Variants in SPEF2 observed in about 807,000 individuals in gnomAD.
SPEF2 encodes sperm flagella and cilia-associated protein 2.
In SPEF2, 187 loss-of-function variants were observed where a neutral mutation model predicts 224.6. The observed-to-expected ratio is 0.83, with a 90% confidence interval of 0.74 to 0.94. SPEF2 has a LOEUF of 0.94. SPEF2 is among the 40% of genes least tolerant of loss of function. The probability of loss-of-function intolerance (pLI) is 0.00; values close to 1 mark genes in which losing one functional copy is unlikely to be tolerated. For synonymous variants in SPEF2, 715 were observed against 707.3 expected (o/e 1.01, Z -0.17); for missense variants, 2,170 against 2,135.6 (o/e 1.02, Z -0.32).
intron 23 of SPEF2, among the ~76,000 whole-genome samples, chr5:35,749,532 A>G (rs1749083435): frequency 6.6e-6 from 1 of 152,178 alleles, no homozygotes; most frequent in South Asian, 2.1e-4. Context: ...AATGTACACA[A>G]ATCAGTAGTT....
chr5:35,636,136 C>A (rs897869980), intron 2 of SPEF2, among the ~76,000 whole-genome samples: 1 of 152,100 alleles, frequency 6.6e-6, no homozygotes, highest in Non-Finnish European at 1.5e-5. Context: ...TGTTTAGTAG[C>A]TCTCCTGGAC....
At chr5:35,661,254 T>TTA (rs550178866) in intron 8 of SPEF2, among the ~76,000 whole-genome samples, 2,495 of 92,204 alleles carry the variant, frequency 0.027, 24 homozygotes, top group Non-Finnish European at 0.036. Context: ...TTGGTATATA[T>TTA]TATATATATA....
At chr5:35,691,876 T>C (rs1320640941) in intron 11 of SPEF2, among the ~76,000 whole-genome samples, 1 of 152,074 alleles carries the variant, frequency 6.6e-6, no homozygotes, top group Non-Finnish European at 1.5e-5. Flanking sequence ...CTCGGCCCAC[T>C]GCAACCTCTG....
At chr5:35,620,401 A>T (rs1401373963) in intron 1 of SPEF2, among the ~76,000 whole-genome samples, 1 of 152,202 alleles carries the variant, frequency 6.6e-6, no homozygotes, top group Admixed American at 6.5e-5. Flanking sequence ...CCTAAATTTC[A>T]TCATACTTAA....
chr5:35,662,418 G>A (rs1749873250), intron 8 of SPEF2, among the ~76,000 whole-genome samples: 1 of 152,134 alleles, frequency 6.6e-6, no homozygotes, highest in Non-Finnish European at 1.5e-5. Flanking sequence ...CTGTGCAGAA[G>A]CTCTTTAGTT....
intron 20 of SPEF2, among the ~76,000 whole-genome samples, chr5:35,724,170 A>C (rs1744235006): frequency 6.6e-6 from 1 of 152,198 alleles, no homozygotes; most frequent in Non-Finnish European, 1.5e-5. Context: ...TTTTGTTAAG[A>C]ACTGTTAACC....
chr5:35,725,443 A>T (rs1744475192), intron 20 of SPEF2, among the ~76,000 whole-genome samples: 1 of 152,212 alleles, frequency 6.6e-6, no homozygotes, highest in South Asian at 2.1e-4. Context: ...CAACAACAAC[A>T]ACAAACACAT....
intron 19 of SPEF2, chr5:35,710,615 C>A: frequency 1.0e-6 from 1 of 985,002 alleles, no homozygotes; most frequent in Non-Finnish European, 1.2e-6. Context: ...GTCAGGTGAG[C>A]CTAGAATTAT....
rs574710837 is a variant in SPEF2 at position 35,750,003 on chromosome 5, G to A, written c.3331-3621G>A. On this transcript the variant is annotated intron_variant, in intron 23 of 36. Transcript: ENST00000356031. Reference sequence around the variant, plus strand: ...ACAGCATGATACTGGTATAAAAATAGGCACATAGACCAATGGAACAGAATA... The same window carrying A: ...ACAGCATGATACTGGTATAAAAATAAGCACATAGACCAATGGAACAGAATA... Among the ~76,000 whole-genome samples, 45 of 152,204 alleles carry A rather than the reference G, an allele frequency of 3.0e-4. 1 individual carries two copies. In the South Asian group the frequency reaches 3.7e-3, roughly 13 times the overall value.
At position 35,796,386 on chromosome 5, in the gene SPEF2, T is replaced by A. The variant is rs571744187; in HGVS notation, c.4830+591T>A. ...ACTTTGGGAGGCCGAGGCAGGCTGA[T>A]CACAAGGTCAGTCAGGAGATCGAGA... On this transcript the variant is annotated intron_variant, in intron 33 of 36. Coordinates refer to ENST00000356031, the MANE Select transcript of SPEF2 (RefSeq NM_024867.4). Among the ~76,000 whole-genome samples, 5 of 152,210 alleles carry A rather than the reference T, an allele frequency of 3.3e-5. No individual in the cohort carries two copies. In the South Asian group the frequency reaches 8.3e-4, roughly 25 times the overall value.
At chr5:35,740,369 T>C (rs1244416058) in intron 23 of SPEF2, 102 bp downstream of exon 23, 1 of 1,459,322 alleles carries the variant, frequency 6.9e-7, no homozygotes, top group Non-Finnish European at 9.3e-7. Flanking sequence ...AGTATGAGGA[T>C]GAGAAAGAAA....
At chr5:35,666,959 TG>T in intron 8 of SPEF2, 112 bp from the exon 9 acceptor site, 1 of 925,208 alleles carries the variant, frequency 1.1e-6, no homozygotes, top group Non-Finnish European at 1.6e-6. Flanking sequence ...ATTTTTTTCC[TG>T]GTGTGAGAAG....
At chr5:35,648,630 T>C (rs1024416686) in intron 5 of SPEF2, among the ~76,000 whole-genome samples, 3 of 152,176 alleles carry the variant, frequency 2.0e-5, no homozygotes, top group Non-Finnish European at 4.4e-5. Context: ...CTGGCCTGAT[T>C]AAAGTTTTTT....
chr5:35,778,388 T>A (rs1009783567), intron 29 of SPEF2, among the ~76,000 whole-genome samples: 1 of 152,164 alleles, frequency 6.6e-6, no homozygotes, highest in Admixed American at 6.5e-5. Context: ...GTTGATTCCA[T>A]TGCAAAGACA....
chr5:35,708,309 A>G (rs1740224109), intron 18 of SPEF2, among the ~76,000 whole-genome samples: 1 of 150,602 alleles, frequency 6.6e-6, no homozygotes, highest in South Asian at 2.1e-4. Context: ...TTCCCCTTCC[A>G]TTTCCTCCTC....
intron 21 of SPEF2, among the ~76,000 whole-genome samples, chr5:35,731,466 G>T (rs1745633667): frequency 6.6e-6 from 1 of 152,146 alleles, no homozygotes; most frequent in Admixed American, 6.5e-5. Flanking sequence ...TTTTCCTATA[G>T]AGAGAACAGA....
chr5:35,691,364 T>C, intron 11 of SPEF2, 108 bp downstream of exon 11: 1 of 867,726 alleles, frequency 1.2e-6, no homozygotes, highest in African/African-American at 1.7e-5. Flanking sequence ...GCTGATATGT[T>C]GGGAAATCTC....
intron 4 of SPEF2, among the ~76,000 whole-genome samples, chr5:35,646,177 C>A (rs1469862786): frequency 6.6e-6 from 1 of 152,000 alleles, no homozygotes; most frequent in Admixed American, 6.6e-5. Flanking sequence ...TTTGAGGTTG[C>A]CCCTGAACTC....
chr5:35,670,714 A>C, intron 10 of SPEF2: 1 of 985,828 alleles, frequency 1.0e-6, no homozygotes, highest in Non-Finnish European at 1.2e-6. Context: ...TCGGGTGCCA[A>C]CTGTGATTTT....
Sources: allele counts gnomAD v4.1 joint callset (sites outside exome capture counted in the v4.1 genomes callset), GRCh38; gene constraint gnomAD v4.1.1; transcripts MANE v1.5; gene names NCBI Gene and HGNC (gene_info 2026-07-23, HGNC 2026-07-21).